MRRF: variants seen among roughly 807,000 people sequenced by gnomAD.
MRRF encodes ribosome-recycling factor, mitochondrial.
MRRF carries 18 observed loss-of-function variants against 25.1 expected under a neutral mutation model. That is an observed-to-expected ratio of 0.72 (90% CI 0.50 to 1.06). The LOEUF is 1.06. Among genes scored for constraint, MRRF ranks in the 50% least tolerant of loss-of-function variants. The probability of loss-of-function intolerance (pLI) is 0.00; values close to 1 mark genes in which losing one functional copy is unlikely to be tolerated. For missense variants in MRRF, 323 were observed against 319.3 expected, an observed-to-expected ratio of 1.01 and a Z score of -0.09; for synonymous variants, 113 against 112.1, an observed-to-expected ratio of 1.01 and a Z score of -0.05.
chr9:122,307,094 A>G (rs575361679), intron 5 of MRRF, among the ~76,000 whole-genome samples: 1 of 152,310 alleles, frequency 6.6e-6, no homozygotes, highest in East Asian at 1.9e-4. Flanking sequence ...CTAGAAGCAT[A>G]GGAAATCTGG....
intron 4 of MRRF, among the ~76,000 whole-genome samples, chr9:122,288,850 T>C (rs896704561): frequency 1.3e-5 from 2 of 152,236 alleles, no homozygotes; most frequent in African/African-American, 2.4e-5. Context: ...ATCACATCAC[T>C]CTTCTCTGCC....
rs372305072 is a variant in MRRF at position 122,285,165 on chromosome 9, T to C, written c.341-4T>C. The C allele has an allele frequency of 8.2e-6, 13 of 1,590,670 alleles. No individual in the cohort carries two copies. The highest frequency in any genetic ancestry group is 9.5e-6 in the Non-Finnish European group (11 of 1,158,882). ...ATTCTAAAACTCTGTAATTTTTCTT[T>C]TAGGATCCCTTGACAAGATTGCTGT... On this transcript the variant is annotated splice_polypyrimidine_tract_variant and splice_region_variant and intron_variant, in intron 3 of 6. Coordinates refer to ENST00000344641, the MANE Select transcript of MRRF (RefSeq NM_138777.5).
rs762205459 is a variant in MRRF, at chr9:122,280,573, G to A, written c.315G>A (p.Lys105=). The A allele has an allele frequency of 6.2e-7, 1 of 1,614,008 alleles. No homozygotes were observed. The highest frequency in any genetic ancestry group is 8.5e-7 in the Non-Finnish European group (1 of 1,179,908). The stretch of plus-strand genomic sequence containing the variant: ...AAGCTCTCAAGGATAATTTCAATAA[G>A]ACTCTCAATATAAGGACCTCACCAG... The part of the protein sequence containing the change: ...VIEALKDNFN[K]TLNIRTSPGS... Residue 105 remains lysine, a synonymous_variant, in exon 3 of 7, where the codon AAG becomes AAA. Coordinates refer to ENST00000344641, the MANE Select transcript of MRRF (RefSeq NM_138777.5).
rs1833834860 is a variant in MRRF, at chr9:122,292,435, G to A, written c.551+595G>A. ...AATTTTAAGCTGAGAACAGAATATT[G>A]TTAATTATATAAATATATAGAACTT... On this transcript the variant is annotated intron_variant, in intron 5 of 6. Coordinates refer to ENST00000344641, the MANE Select transcript of MRRF (RefSeq NM_138777.5). Among the ~76,000 whole-genome samples, 3 of 152,016 alleles carry A rather than the reference G, an allele frequency of 2.0e-5. No homozygotes were observed. In the South Asian group the frequency reaches 6.2e-4, roughly 32 times the overall value.
At chr9:122,291,384 G>A (rs1433792067) in intron 4 of MRRF, among the ~76,000 whole-genome samples, 1 of 152,186 alleles carries the variant, frequency 6.6e-6, no homozygotes, top group African/African-American at 2.4e-5. Flanking sequence ...TTTTACGTAT[G>A]AAATCTTTCA....
intron 1 of MRRF, among the ~76,000 whole-genome samples, chr9:122,270,500 A>G (rs1307631745): frequency 6.6e-6 from 1 of 152,164 alleles, no homozygotes; most frequent in Non-Finnish European, 1.5e-5. Context: ...TCCCTCTTTA[A>G]ACTTTATCAA....
chr9:122,281,139 G>T (rs753352588), intron 3 of MRRF, among the ~76,000 whole-genome samples: 2 of 152,306 alleles, frequency 1.3e-5, no homozygotes, highest in Non-Finnish European at 2.9e-5. Flanking sequence ...TGACCAGGAA[G>T]ATTCCGTTTG....
At chr9:122,314,797 G>A (rs1835412818) in intron 6 of MRRF, among the ~76,000 whole-genome samples, 1 of 152,164 alleles carries the variant, frequency 6.6e-6, no homozygotes, top group African/African-American at 2.4e-5. Flanking sequence ...AAGTGATGGT[G>A]GCCTGAACCT....
rs1256321216 is a variant in MRRF, at chr9:122,285,293, A to G, written c.459+6A>G. 3 of 1,545,314 alleles carry G rather than the reference A, an allele frequency of 1.9e-6. No individual in the cohort carries two copies. Among genetic ancestry groups the G allele is most frequent in the Non-Finnish European group, 1.8e-6 (2 of 1,117,348 alleles). On this transcript the variant is annotated splice_donor_region_variant and intron_variant, in intron 4 of 6. Transcript: ENST00000344641. ...ATATGGCCAGCTTCCCAGAGGTAAGATGGCCTTGCTAAAATCTCTCTCCGT... is the reference window on the plus strand; with the variant it reads ...ATATGGCCAGCTTCCCAGAGGTAAGGTGGCCTTGCTAAAATCTCTCTCCGT...
At chr9:122,322,295 G>A (rs897513688) in intron 6 of MRRF, among the ~76,000 whole-genome samples, 11 of 151,924 alleles carry the variant, frequency 7.2e-5, no homozygotes, top group South Asian at 2.1e-4. Flanking sequence ...CACAGGAGGC[G>A]GAGCTTGCAG....
intron 6 of MRRF, among the ~76,000 whole-genome samples, chr9:122,318,014 G>GT (rs1835645980): frequency 6.6e-6 from 1 of 152,126 alleles, no homozygotes; most frequent in Non-Finnish European, 1.5e-5. Context: ...GTGGGCATCT[G>GT]TAGTCCCAGC....
chr9:122,291,749 T>C lies in MRRF; in HGVS notation c.460T>C (p.Cys154Arg), dbSNP rs769748243. The change falls in exon 5 of 7, where the codon TGT becomes CGT. Residue 154 changes from cysteine to arginine, a missense_variant and splice_region_variant. Coordinates refer to ENST00000344641, the MANE Select transcript of MRRF (RefSeq NM_138777.5). The part of the protein sequence containing the change: ...ILVNMASFPE[C>R]TAAAIKAIRE... ...GTTTACCTTTTGATCTGGTTTTCAG[T>C]GTACAGCTGCAGCTATCAAGGCTAT... 4.4e-6 allele frequency: 7 copies of C among 1,608,168 alleles called. No homozygotes were observed. The South Asian group carries it at 7.7e-5, about 18-fold the overall frequency.
rs1341293043 is a variant in MRRF, at chr9:122,329,861, TTC to T, written c.*7248_*7249del. ...GTCCCCTGCTGTCTTAGTCTGTGCA[TTC>T]TCTGACTAGCACAGTATGTGGCGAG... is the stretch of plus-strand genomic sequence containing the variant. On this transcript the variant is annotated 3_prime_UTR_variant, in exon 7 of 7. Coordinates refer to ENST00000344641, the MANE Select transcript of MRRF (RefSeq NM_138777.5). 1.3e-5 allele frequency: 2 copies of T among 152,312 alleles called. No homozygotes were observed. The highest frequency in any genetic ancestry group is 2.4e-5 in the African/African-American group (1 of 41,474). 9.4% of individuals were successfully genotyped at this position (152,312 alleles called of 1,614,324 possible).
chr9:122,317,141 A>T (rs1835583927), intron 6 of MRRF, among the ~76,000 whole-genome samples: 1 of 151,492 alleles, frequency 6.6e-6, no homozygotes, highest in Non-Finnish European at 1.5e-5. Flanking sequence ...CCAAGTGTGG[A>T]ATTACTGTAC....
At chr9:122,298,098 G>A (rs1459204044) in intron 5 of MRRF, among the ~76,000 whole-genome samples, 1 of 152,190 alleles carries the variant, frequency 6.6e-6, no homozygotes, top group African/African-American at 2.4e-5. Flanking sequence ...AGTAAAGGTA[G>A]AGTTGAGCAG....
intron 5 of MRRF, among the ~76,000 whole-genome samples, chr9:122,307,160 G>A (rs1588070210): frequency 6.6e-6 from 1 of 152,212 alleles, no homozygotes; most frequent in Non-Finnish European, 1.5e-5. Context: ...AAGGCATGGG[G>A]CAGCTCCCAC....
intron 2 of MRRF, among the ~76,000 whole-genome samples, chr9:122,272,149 T>A (rs1286661035): frequency 6.6e-6 from 1 of 152,216 alleles, no homozygotes; most frequent in African/African-American, 2.4e-5. Flanking sequence ...TCCTTATAAT[T>A]ATCTAGTTAA....
intron 5 of MRRF, among the ~76,000 whole-genome samples, chr9:122,308,385 C>CT (rs869284152): frequency 0.012 from 1,551 of 124,194 alleles, 20 homozygotes; most frequent in African/African-American, 0.023. Flanking sequence ...CTGTTTTAGT[C>CT]TTTTTTTTTT....
rs1836135346 is a variant in MRRF, at chr9:122,326,166, G to A, written c.*3549G>A. 1 of 141,600 alleles carries A rather than the reference G, an allele frequency of 7.1e-6. No individual in the cohort carries two copies. Among genetic ancestry groups the A allele is most frequent in the Non-Finnish European group, 1.5e-5 (1 of 66,348 alleles). 8.8% of individuals were successfully genotyped at this position (141,600 alleles called of 1,614,324 possible). A position where few individuals can be genotyped will look rare whatever the true frequency, so the allele number is the denominator to read the frequency against. On this transcript the variant is annotated 3_prime_UTR_variant, in exon 7 of 7. Coordinates refer to ENST00000344641, the MANE Select transcript of MRRF (RefSeq NM_138777.5). ...TCTGTCGCCCACGCTGGAGTGCATT[G>A]GCGCAATCTCGGCTCACTGCAACCT... is the stretch of plus-strand genomic sequence containing the variant.
Sources: gnomAD v4.1 joint callset for allele counts (sites outside exome capture counted in the v4.1 genomes callset) on GRCh38, gnomAD v4.1.1 for gene constraint, MANE v1.5 for transcripts, NCBI Gene and HGNC (gene_info 2026-07-23, HGNC 2026-07-21) for gene names.